The following HABP2 variants were observed in gnomAD, a reference collection of about 807,000 sequenced individuals.
HABP2 encodes factor VII-activating protease.
A neutral mutation model predicts 66.5 loss-of-function variants in HABP2; 65 were observed. The ratio of observed to expected loss-of-function variants is 0.98; its 90% confidence interval spans 0.80 to 1.20. HABP2 has a LOEUF of 1.20. Among genes scored for constraint, HABP2 ranks in the 50% most tolerant of loss-of-function variants. The pLI, the probability that HABP2 is intolerant of heterozygous loss-of-function variation, is 0.00. For missense variants in HABP2, 786 were observed against 691.0 expected (o/e 1.14, Z -1.54); for synonymous variants, 263 against 253.9 (o/e 1.04, Z -0.34).
rs1845780317 is a variant in HABP2, at chr10:113,589,189, A to G, written c.*820A>G. ...AGCACAGGGAGCATTTAACAGGCTC[A>G]CCCTCCCTTTCCTTTTCCCCTCTTC... On this transcript the variant is annotated 3_prime_UTR_variant, in exon 13 of 13. Transcript: ENST00000351270. The G allele has an allele frequency of 1.2e-6, 1 of 814,304 alleles. No homozygotes were observed. Among genetic ancestry groups the G allele is most frequent in the Admixed American group, 2.5e-5 (1 of 39,552 alleles). 50.4% of individuals were successfully genotyped at this position (814,304 alleles called of 1,614,324 possible).
chr10:113,570,935 A>G (rs1159311070), intron 2 of HABP2, among the ~76,000 whole-genome samples: 1 of 152,218 alleles, frequency 6.6e-6, no homozygotes. Flanking sequence ...AAGATAGACC[A>G]AATACCCAAG....
chr10:113,581,502 T>C (rs2133779371), intron 8 of HABP2, among the ~76,000 whole-genome samples: 1 of 152,346 alleles, frequency 6.6e-6, no homozygotes, highest in Middle Eastern at 3.4e-3. Flanking sequence ...GCACTAATAA[T>C]GAAAGGTGCA....
chr10:113,575,256 T>A (rs925710669), intron 3 of HABP2, among the ~76,000 whole-genome samples: 4 of 152,086 alleles, frequency 2.6e-5, no homozygotes, highest in African/African-American at 9.7e-5. Flanking sequence ...AACAGAAGGA[T>A]AAAGAATTCC....
At chr10:113,570,449 C>A (rs1845284855) in intron 2 of HABP2, among the ~76,000 whole-genome samples, 1 of 152,230 alleles carries the variant, frequency 6.6e-6, no homozygotes, top group Admixed American at 6.5e-5. Flanking sequence ...ATAGAAAATT[C>A]TTGAACAGCT....
chr10:113,583,363 G>T lies in HABP2; in HGVS notation c.1237+5G>T. On this transcript the variant is annotated splice_donor_5th_base_variant and intron_variant, in intron 10 of 12. Transcript: ENST00000351270. ...AGATTCCCCACAATGATATTGGCAA[G>T]TTCCTCTTTCATGGCTTTCCTGAGG... 1.2e-6 allele frequency: 2 copies of T among 1,612,430 alleles called. No homozygotes were observed. The highest frequency in any genetic ancestry group is 1.7e-6 in the Non-Finnish European group (2 of 1,178,446).
At chr10:113,577,916 T>C (rs1845441506) in intron 5 of HABP2, 110 bp from the exon 6 acceptor site, 3 of 1,303,690 alleles carry the variant, frequency 2.3e-6, no homozygotes, top group South Asian at 1.4e-5. Context: ...GACCCATCTT[T>C]CGCGAAAGGA....
At chr10:113,586,904 C>T (rs1845647871) in intron 12 of HABP2, among the ~76,000 whole-genome samples, 1 of 152,220 alleles carries the variant, frequency 6.6e-6, no homozygotes, top group Non-Finnish European at 1.5e-5. Context: ...GGGTTTGTGG[C>T]TCTCCTGTGA....
chr10:113,583,852 C>T (rs1208808939), intron 10 of HABP2, among the ~76,000 whole-genome samples: 1 of 152,216 alleles, frequency 6.6e-6, no homozygotes, highest in South Asian at 2.1e-4. Flanking sequence ...GAGACACCCC[C>T]CCACCTCTCT....
At chr10:113,571,227 C>T (rs1845302878) in intron 2 of HABP2, among the ~76,000 whole-genome samples, 1 of 152,194 alleles carries the variant, frequency 6.6e-6, no homozygotes, top group Non-Finnish European at 1.5e-5. Flanking sequence ...CTTGACTGGG[C>T]TTGCTCATGT....
At chr10:113,555,037 G>A (rs1189595533) in intron 1 of HABP2, among the ~76,000 whole-genome samples, 3 of 152,196 alleles carry the variant, frequency 2.0e-5, no homozygotes, top group African/African-American at 7.2e-5. Flanking sequence ...TGGAGAGTTT[G>A]GGGCGTCATG....
intron 2 of HABP2, among the ~76,000 whole-genome samples, chr10:113,570,766 C>T (rs1043321884): frequency 6.6e-6 from 1 of 152,200 alleles, no homozygotes; most frequent in Non-Finnish European, 1.5e-5. Flanking sequence ...GCAGGCCAAT[C>T]AGAAAGCAGA....
chr10:113,564,851 T>TC (rs1282585294), intron 1 of HABP2, among the ~76,000 whole-genome samples: 11 of 69,994 alleles, frequency 1.6e-4, no homozygotes, highest in African/African-American at 6.7e-4. Context: ...CATCTCTCTC[T>TC]TTTGTTTTTT....
chr10:113,565,467 GGCAAGAGGGGAA>G (rs1440395143), intron 1 of HABP2, among the ~76,000 whole-genome samples: 1 of 152,170 alleles, frequency 6.6e-6, no homozygotes, highest in Non-Finnish European at 1.5e-5. Context: ...GAGATCACAT[GGCAAGAGGGGAA>G]GCAAGAGGGA....
intron 5 of HABP2, 138 bp from the exon 6 acceptor site, chr10:113,577,888 C>T: frequency 1.1e-6 from 1 of 916,432 alleles, no homozygotes; most frequent in Non-Finnish European, 1.7e-6. Context: ...GTCAGTGGAT[C>T]TGTCTTTCCC....
At position 113,578,675 on chromosome 10, in the gene HABP2, T is replaced by C; in HGVS notation, c.617T>C (p.Met206Thr). The change falls in exon 7 of 13, where the codon ATG (methionine) becomes ACG (threonine). Residue 206 changes from methionine to threonine, a missense_variant. Transcript: ENST00000351270. ...GATGGCTACTCTTACCGAGGGAAAA[T>C]GAATAGGACAGTCAACCAGCATGCG... ...VGDGYSYRGK[M>T]NRTVNQHACL... The C allele has an allele frequency of 1.9e-6, 3 of 1,612,374 alleles. No individual in the cohort carries two copies. Among genetic ancestry groups the C allele is most frequent in the Non-Finnish European group, 8.5e-7 (1 of 1,178,592 alleles).
upstream of HABP2, among the ~76,000 whole-genome samples, chr10:113,551,800 T>A (rs759358493): frequency 6.6e-6 from 1 of 151,778 alleles, no homozygotes; most frequent in Non-Finnish European, 1.5e-5. Context: ...AGTGAGACTC[T>A]GTCTCAAAAT....
At chr10:113,576,216 T>A (rs530390251) in intron 4 of HABP2, among the ~76,000 whole-genome samples, 52 of 152,324 alleles carry the variant, frequency 3.4e-4, no homozygotes, top group Non-Finnish European at 5.4e-4. Context: ...ATTCTCCAGA[T>A]GGGAAGATTG....
At chr10:113,561,671 C>G (rs11575706) in intron 1 of HABP2, among the ~76,000 whole-genome samples, 256 of 152,218 alleles carry the variant, frequency 1.7e-3, no homozygotes, top group African/African-American at 5.9e-3. Flanking sequence ...GAGCCTCTGT[C>G]CCCAAAAGAC....
intron 1 of HABP2, among the ~76,000 whole-genome samples, chr10:113,556,360 G>A (rs1844991532): frequency 6.6e-6 from 1 of 152,260 alleles, no homozygotes; most frequent in East Asian, 1.9e-4. Flanking sequence ...CATTTGAGTA[G>A]CATTGGGTTC....
Sources: allele counts gnomAD v4.1 joint callset (sites outside exome capture counted in the v4.1 genomes callset), GRCh38; gene constraint gnomAD v4.1.1; transcripts MANE v1.5; gene names NCBI Gene and HGNC (gene_info 2026-07-23, HGNC 2026-07-21).